The following BACH2 variants were observed in gnomAD, a reference collection of about 807,000 sequenced individuals.
BACH2 encodes transcription regulator protein BACH2.
Under a neutral mutation model 61.8 loss-of-function variants are expected in BACH2, and 5 were observed. The observed-to-expected ratio is 0.08, with a 90% CI of 0.04 to 0.17. The LOEUF is 0.17. Ranked by LOEUF, BACH2 falls within the 10% of genes least tolerant of loss-of-function variation. The pLI, the probability that BACH2 is intolerant of heterozygous loss-of-function variation, is 1.00. For synonymous variants in BACH2, 446 were observed against 440.1 expected (o/e 1.01, Z -0.17); for missense variants, 824 against 1,091.1 (o/e 0.76, Z 3.45).
At chr6:89,994,491 G>A (rs564066650) in intron 6 of BACH2, among the ~76,000 whole-genome samples, 2 of 152,112 alleles carry the variant, frequency 1.3e-5, no homozygotes, top group Non-Finnish European at 2.9e-5. Context: ...TTGCTTTTTG[G>A]ATTTTCATTT....
At chr6:90,295,922 A>G in intron 1 of BACH2, among the ~76,000 whole-genome samples, 1 of 152,120 alleles carries the variant, frequency 6.6e-6, no homozygotes, top group Non-Finnish European at 1.5e-5. Context: ...GCGGCGGCTG[A>G]CAGCTGAGCG....
chr6:90,079,487 C>A (rs1322369196), intron 5 of BACH2, among the ~76,000 whole-genome samples: 1 of 152,192 alleles, frequency 6.6e-6, no homozygotes, highest in Admixed American at 6.5e-5. Flanking sequence ...CTTCCATCAA[C>A]ACAATTTGTT....
chr6:90,182,765 A>G (rs753012446), intron 4 of BACH2, among the ~76,000 whole-genome samples: 3 of 152,152 alleles, frequency 2.0e-5, no homozygotes, highest in Non-Finnish European at 4.4e-5. Flanking sequence ...TATGAACCAA[A>G]TCACTACCAG....
At chr6:90,151,010 G>A (rs988320614) in intron 4 of BACH2, among the ~76,000 whole-genome samples, 10 of 152,254 alleles carry the variant, frequency 6.6e-5, no homozygotes, top group Admixed American at 3.9e-4. Context: ...ATAATTACAC[G>A]AGGCAGACAG....
At chr6:90,087,571 T>C (rs2127807069) in intron 5 of BACH2, among the ~76,000 whole-genome samples, 1 of 152,312 alleles carries the variant, frequency 6.6e-6, no homozygotes, top group South Asian at 2.1e-4. Context: ...AAATTGTTCT[T>C]GTCCTCAGCA....
At chr6:89,970,393 T>C (rs1164666583) in intron 6 of BACH2, among the ~76,000 whole-genome samples, 1 of 152,200 alleles carries the variant, frequency 6.6e-6, no homozygotes, top group African/African-American at 2.4e-5. Flanking sequence ...ATCTAGCATA[T>C]GGAAGGAACA....
At chr6:90,145,739 G>A (rs1210688071) in intron 4 of BACH2, among the ~76,000 whole-genome samples, 2 of 152,160 alleles carry the variant, frequency 1.3e-5, no homozygotes, top group East Asian at 1.9e-4. Context: ...TCCCTCTGAC[G>A]AATTTGGACA....
chr6:89,956,716 C>A (rs184919979), intron 6 of BACH2, among the ~76,000 whole-genome samples: 1 of 152,240 alleles, frequency 6.6e-6, no homozygotes, highest in Admixed American at 6.5e-5. Context: ...CATCTCTGGA[C>A]TATGATAGGG....
intron 4 of BACH2, among the ~76,000 whole-genome samples, chr6:90,194,056 T>A (rs556246002): frequency 2.6e-4 from 40 of 152,126 alleles, no homozygotes; most frequent in African/African-American, 9.4e-4. Flanking sequence ...CTACGCCACA[T>A]AATCCACTTA....
intron 3 of BACH2, among the ~76,000 whole-genome samples, chr6:90,227,618 G>T (rs976057741): frequency 6.6e-6 from 1 of 152,214 alleles, no homozygotes; most frequent in South Asian, 2.1e-4. Context: ...TAGACAGACA[G>T]AATTAGAAAT....
At chr6:89,965,470 G>A (rs563773217) in intron 6 of BACH2, among the ~76,000 whole-genome samples, 41 of 152,288 alleles carry the variant, frequency 2.7e-4, no homozygotes, top group Admixed American at 2.5e-3. Context: ...GCTGGGTTCT[G>A]ACCTAATTGG....
intron 3 of BACH2, among the ~76,000 whole-genome samples, chr6:90,218,761 C>T (rs1036419444): frequency 1.3e-5 from 2 of 152,070 alleles, no homozygotes; most frequent in Admixed American, 6.6e-5. Context: ...CTCAGCAGTT[C>T]CTTAGATAAC....
chr6:90,205,949 C>T (rs1232663527), intron 4 of BACH2, among the ~76,000 whole-genome samples: 1 of 152,180 alleles, frequency 6.6e-6, no homozygotes, highest in Non-Finnish European at 1.5e-5. Flanking sequence ...TAAATCACCA[C>T]TCACCAATTT....
At chr6:90,138,596 A>G (rs993160347) in intron 4 of BACH2, among the ~76,000 whole-genome samples, 2 of 152,230 alleles carry the variant, frequency 1.3e-5, no homozygotes, top group African/African-American at 2.4e-5. Flanking sequence ...CCTTAAAAAA[A>G]AAATCATTGA....
Position 89,950,575 on chromosome 6 carries a change from G to C in BACH2, c.1531C>G (p.Pro511Ala). 6.2e-7 allele frequency: 1 copy of C among 1,611,604 alleles called. No individual in the cohort carries two copies. The highest frequency in any genetic ancestry group is 8.5e-7 in the Non-Finnish European group (1 of 1,178,304). Residue 511 changes from proline to alanine, a missense_variant, in exon 7 of 9, where the codon CCC becomes GCC. Around this residue, in one of 8 missense-constraint regions of BACH2, gnomAD observed 102 missense variants for 98.1 expected, o/e 1.04. Coordinates refer to ENST00000257749, the MANE Select transcript of BACH2 (RefSeq NM_021813.4). This position sits in a 1 kb window ranked among gnomAD's most constrained non-coding sequence, Gnocchi z 5.3. ...GTCCTGGTCCTGGTCTCCAAGGGGGGTGAGCGAGGGCAGACTTTGATTGGT... is the reference window on the plus strand; with the variant it reads ...GTCCTGGTCCTGGTCTCCAAGGGGGCTGAGCGAGGGCAGACTTTGATTGGT... ...PVPIKVCPRSPPLETRTRTSS... is the reference protein window; with the variant it reads ...PVPIKVCPRSAPLETRTRTSS...
At chr6:90,257,943 T>C (rs1054179938) in intron 2 of BACH2, among the ~76,000 whole-genome samples, 3 of 152,088 alleles carry the variant, frequency 2.0e-5, no homozygotes, top group Non-Finnish European at 4.4e-5. Flanking sequence ...ACCCAGCTAA[T>C]TTTTGTATTT....
At chr6:90,148,437 T>TA (rs1784695550) in intron 4 of BACH2, among the ~76,000 whole-genome samples, 1 of 152,216 alleles carries the variant, frequency 6.6e-6, no homozygotes, top group African/African-American at 2.4e-5. Context: ...TCTGAAAAGA[T>TA]AGATACACAG....
At chr6:89,965,751 A>G (rs1775015404) in intron 6 of BACH2, among the ~76,000 whole-genome samples, 1 of 152,224 alleles carries the variant, frequency 6.6e-6, no homozygotes, top group African/African-American at 2.4e-5. Flanking sequence ...GAACTGAAGA[A>G]CTGACAGATC....
At chr6:90,010,800 T>C (rs1412404597) in intron 5 of BACH2, among the ~76,000 whole-genome samples, 1 of 152,240 alleles carries the variant, frequency 6.6e-6, no homozygotes, top group African/African-American at 2.4e-5. Context: ...GTCTATCATA[T>C]TTCTTTTTGG....
Sources: allele counts gnomAD v4.1 joint callset (sites outside exome capture counted in the v4.1 genomes callset), GRCh38; gene constraint gnomAD v4.1.1; regional missense constraint gnomAD v4.1.1; non-coding constraint Gnocchi (gnomAD v3.1); transcripts MANE v1.5; gene names NCBI Gene and HGNC (gene_info 2026-07-23, HGNC 2026-07-21).